Variants in SPRED1 observed in about 807,000 individuals in gnomAD.
The protein encoded by SPRED1 is sprouty related EVH1 domain containing 1, also known as sprouty-related, EVH1 domain-containing protein 1.
In SPRED1, 18 loss-of-function variants were observed where a neutral mutation model predicts 52.3. The ratio of observed to expected loss-of-function variants is 0.34; its 90% CI spans 0.24 to 0.51. The LOEUF is 0.51. SPRED1 is among the 20% of genes least tolerant of loss of function. SPRED1 has a pLI of 0.97. For missense variants in SPRED1, 485 were observed against 551.0 expected (o/e 0.88, Z 1.20); for synonymous variants, 155 against 179.7 (o/e 0.86, Z 1.10).
chr15:38,307,912 T>C (rs555868470), intron 2 of SPRED1, among the ~76,000 whole-genome samples: 1 of 152,326 alleles, frequency 6.6e-6, no homozygotes, highest in African/African-American at 2.4e-5. Context: ...AAGGGGCTAT[T>C]GTAAATGATA....
chr15:38,253,029 G>T lies in SPRED1; in HGVS notation c.-157G>T. On this transcript the variant is annotated 5_prime_UTR_variant, in exon 1 of 7. Coordinates refer to ENST00000299084, the MANE Select transcript of SPRED1 (RefSeq NM_152594.3). The stretch of plus-strand genomic sequence containing the variant: ...GGTGGCCGGGGTTCCCGGCTGGGGG[G>T]GTACCGTTCTGGGTGAGGCATCCAC... 1.4e-6 allele frequency: 1 copy of T among 694,406 alleles called. No individual in the cohort carries two copies. The highest frequency in any genetic ancestry group is 2.6e-6 in the Non-Finnish European group (1 of 388,228). 43.0% of individuals were successfully genotyped at this position (694,406 alleles called of 1,614,324 possible). A position where few individuals can be genotyped will look rare whatever the true frequency, so the allele number is the denominator to read the frequency against.
intron 1 of SPRED1, 55 bp downstream of exon 1, chr15:38,253,272 C>G (rs1595708264): frequency 1.3e-6 from 2 of 1,529,840 alleles, no homozygotes; most frequent in East Asian, 4.9e-5. Flanking sequence ...CCGCCCTCGG[C>G]TCTCCCCCAG....
chr15:38,287,052 T>C (rs1894826337), intron 1 of SPRED1, among the ~76,000 whole-genome samples: 1 of 152,202 alleles, frequency 6.6e-6, no homozygotes, highest in South Asian at 2.1e-4. Context: ...ACATGTCTTA[T>C]GTAATAATGC....
intron 4 of SPRED1, among the ~76,000 whole-genome samples, chr15:38,337,634 T>C (rs1473494321): frequency 2.0e-5 from 3 of 152,104 alleles, no homozygotes; most frequent in Admixed American, 2.0e-4. Context: ...GTAAAATGTG[T>C]TAATGTTTAA....
chr15:38,253,301 T>G, intron 1 of SPRED1, 84 bp downstream of exon 1: 1 of 1,392,354 alleles, frequency 7.2e-7, no homozygotes, highest in Non-Finnish European at 1.0e-6. Context: ...GAAACTTGGG[T>G]GCCGGAAAGC....
At chr15:38,283,695 G>T (rs1894744103) in intron 1 of SPRED1, among the ~76,000 whole-genome samples, 1 of 152,148 alleles carries the variant, frequency 6.6e-6, no homozygotes, top group Non-Finnish European at 1.5e-5. Context: ...AACTAGAACA[G>T]CAGGGGTTTA....
At chr15:38,338,924 TAGCCCTATA>T (rs1895975832) in intron 4 of SPRED1, among the ~76,000 whole-genome samples, 1 of 152,104 alleles carries the variant, frequency 6.6e-6, no homozygotes, top group Admixed American at 6.5e-5. Context: ...TTAAAATTGT[TAGCCCTATA>T]GTGATTACTC....
chr15:38,329,665 A>T lies in SPRED1; in HGVS notation c.423+4856A>T, dbSNP rs947525854. Among the ~76,000 whole-genome samples, 40 of 152,234 alleles carry T rather than the reference A, an allele frequency of 2.6e-4. 1 individual carries two copies. Among genetic ancestry groups the T allele is most frequent in the South Asian group, 4.1e-4 (2 of 4,834 alleles). On this transcript the variant is annotated intron_variant, in intron 4 of 6. Transcript: ENST00000299084. ...GTTATTTAAAATTTTATTGACTCTT[A>T]GACTAATATGTGCATATTTCGAAAA...
At chr15:38,284,154 A>G (rs1894753589) in intron 1 of SPRED1, among the ~76,000 whole-genome samples, 1 of 152,116 alleles carries the variant, frequency 6.6e-6, no homozygotes, top group Admixed American at 6.6e-5. Context: ...ATTTTATACT[A>G]TTTGGAAGTC....
intron 4 of SPRED1, among the ~76,000 whole-genome samples, chr15:38,334,776 CTTG>C (rs1166051279): frequency 6.6e-6 from 1 of 151,622 alleles, no homozygotes; most frequent in Non-Finnish European, 1.5e-5. Context: ...TATTTTGATT[CTTG>C]TTTTCTTTAT....
At chr15:38,333,119 T>C (rs775127472) in intron 4 of SPRED1, among the ~76,000 whole-genome samples, 2 of 152,104 alleles carry the variant, frequency 1.3e-5, no homozygotes, top group Non-Finnish European at 2.9e-5. Context: ...ATTCGGAGTA[T>C]AGCACTGGTT....
chr15:38,273,826 G>A (rs1894490835), intron 1 of SPRED1, among the ~76,000 whole-genome samples: 1 of 152,062 alleles, frequency 6.6e-6, no homozygotes, highest in Non-Finnish European at 1.5e-5. Flanking sequence ...AGAACACGGT[G>A]GTGGTTCCCG....
chr15:38,297,354 A>C (rs965823684), intron 1 of SPRED1, among the ~76,000 whole-genome samples: 1 of 152,220 alleles, frequency 6.6e-6, no homozygotes, highest in Non-Finnish European at 1.5e-5. Flanking sequence ...TAGCCCACAA[A>C]TGTGGTTATT....
chr15:38,253,174 G>A lies in SPRED1; in HGVS notation c.-12G>A, dbSNP rs371200183. ...CTCCTCCATCTCCAGATCGGATCACGGTGAGGGAAAGATGAGCGAGGAGAC... is the reference window on the plus strand; with the variant it reads ...CTCCTCCATCTCCAGATCGGATCACAGTGAGGGAAAGATGAGCGAGGAGAC... On this transcript the variant is annotated 5_prime_UTR_variant, in exon 1 of 7. Coordinates refer to ENST00000299084, the MANE Select transcript of SPRED1 (RefSeq NM_152594.3). 1.3e-6 allele frequency: 2 copies of A among 1,577,574 alleles called. No individual in the cohort carries two copies. The highest frequency in any genetic ancestry group is 1.7e-6 in the Non-Finnish European group (2 of 1,160,690).
chr15:38,279,611 T>A (rs148570142), intron 1 of SPRED1, among the ~76,000 whole-genome samples: 2 of 152,218 alleles, frequency 1.3e-5, no homozygotes, highest in South Asian at 4.1e-4. Flanking sequence ...TTACCAGTTA[T>A]GTGGTTCTGG....
intron 4 of SPRED1, among the ~76,000 whole-genome samples, chr15:38,326,916 A>G (rs1303307429): frequency 6.6e-6 from 1 of 152,186 alleles, no homozygotes; most frequent in Non-Finnish European, 1.5e-5. Flanking sequence ...CCACTCTAGG[A>G]ACTTCTAACA....
chr15:38,309,982 T>C lies in SPRED1; in HGVS notation c.207+10435T>C, dbSNP rs540493335. Among the ~76,000 whole-genome samples the C allele has an allele frequency of 3.3e-5, 5 of 152,310 alleles. No homozygotes were observed. The East Asian group carries it at 9.7e-4, about 29-fold the overall frequency. On this transcript the variant is annotated intron_variant, in intron 2 of 6. Transcript: ENST00000299084. Reference sequence around the variant, plus strand: ...CACACACTGTATTATTGTGGCTATATAAGAAGCCCTAATACAGAGTAGAAT... The same window carrying C: ...CACACACTGTATTATTGTGGCTATACAAGAAGCCCTAATACAGAGTAGAAT...
Position 38,357,093 on chromosome 15 carries a change from G to A in SPRED1, c.*5429G>A, listed in dbSNP as rs887580351. On this transcript the variant is annotated 3_prime_UTR_variant, in exon 7 of 7. Transcript: ENST00000299084. ...GCTTGGCTATCAATATAAGTGTCATGCACATAGTGCTCCTTAAAGAAAAAG... is the reference window on the plus strand; with the variant it reads ...GCTTGGCTATCAATATAAGTGTCATACACATAGTGCTCCTTAAAGAAAAAG... 5 of 152,264 alleles carry A rather than the reference G, an allele frequency of 3.3e-5. No individual in the cohort carries two copies. The highest frequency in any genetic ancestry group is 3.3e-4 in the Admixed American group (5 of 15,300). 9.4% of individuals were successfully genotyped at this position (152,264 alleles called of 1,614,324 possible).
At chr15:38,314,727 T>C (rs1895439147) in intron 2 of SPRED1, among the ~76,000 whole-genome samples, 1 of 151,972 alleles carries the variant, frequency 6.6e-6, no homozygotes, top group Non-Finnish European at 1.5e-5. Context: ...ATATTTGATC[T>C]CTTTTGTAAC....
Sources: allele counts gnomAD v4.1 joint callset (sites outside exome capture counted in the v4.1 genomes callset), GRCh38; gene constraint gnomAD v4.1.1; transcripts MANE v1.5; gene names NCBI Gene and HGNC (gene_info 2026-07-23, HGNC 2026-07-21).